PTPRN2: variants seen among roughly 807,000 people sequenced by gnomAD.
The protein encoded by PTPRN2 is receptor-type tyrosine-protein phosphatase N2.
PTPRN2 carries 74 observed loss-of-function variants against 118.8 expected under a neutral mutation model. The observed-to-expected ratio is 0.62, with a 90% CI of 0.52 to 0.76. The LOEUF (loss-of-function observed/expected upper bound fraction) is 0.76. Ranked by LOEUF, PTPRN2 falls within the 30% of genes least tolerant of loss-of-function variation. PTPRN2 has a pLI of 0.00. For synonymous variants in PTPRN2, 641 were observed against 608.0 expected, an observed-to-expected ratio of 1.05 and a Z score of -0.80; for missense variants, 1,481 against 1,394.4, an observed-to-expected ratio of 1.06 and a Z score of -0.99.
chr7:158,431,492 T>TACA, intron 2 of PTPRN2, among the ~76,000 whole-genome samples: 1 of 24,298 alleles, frequency 4.1e-5, no homozygotes, highest in Non-Finnish European at 8.5e-5. Flanking sequence ...CACACTGGCT[T>TACA]GCACTGGGCT....
At chr7:158,275,220 G>A (rs952848973) in intron 3 of PTPRN2, among the ~76,000 whole-genome samples, 10 of 152,240 alleles carry the variant, frequency 6.6e-5, no homozygotes, top group African/African-American at 1.7e-4. Flanking sequence ...ACAGCGCCTC[G>A]GGGCCACAGA....
chr7:157,913,490 G>A (rs1386028475), intron 11 of PTPRN2, among the ~76,000 whole-genome samples: 1 of 152,188 alleles, frequency 6.6e-6, no homozygotes, highest in Non-Finnish European at 1.5e-5. Flanking sequence ...TGGTGTTCAA[G>A]AGAATATTTC....
chr7:158,057,406 G>A (rs915598048), intron 11 of PTPRN2, among the ~76,000 whole-genome samples: 1 of 152,186 alleles, frequency 6.6e-6, no homozygotes, highest in Admixed American at 6.5e-5. Context: ...GCCCAATGAT[G>A]ATGGTCTCTT....
At chr7:157,648,515 A>C (rs1805306019) in intron 14 of PTPRN2, among the ~76,000 whole-genome samples, 1 of 135,088 alleles carries the variant, frequency 7.4e-6, no homozygotes, top group African/African-American at 2.7e-5. Flanking sequence ...TCCAGCGTGC[A>C]CTGAACTCGG....
intron 5 of PTPRN2, among the ~76,000 whole-genome samples, chr7:158,170,541 G>A (rs1432024907): frequency 6.6e-6 from 1 of 152,196 alleles, no homozygotes; most frequent in African/African-American, 2.4e-5. Context: ...TTAAGGTGAA[G>A]AGGAAAAAGA....
At chr7:157,770,456 T>C (rs73165837) in intron 12 of PTPRN2, among the ~76,000 whole-genome samples, 17,661 of 152,270 alleles carry the variant, frequency 0.12, 1,116 homozygotes, top group Middle Eastern at 0.16. Flanking sequence ...GGCTTTCTGC[T>C]GTTGTCAGGC....
intron 2 of PTPRN2, among the ~76,000 whole-genome samples, chr7:158,423,200 A>T (rs1332124729): frequency 6.6e-6 from 1 of 152,270 alleles, no homozygotes; most frequent in Non-Finnish European, 1.5e-5. Context: ...CTGGGAAACA[A>T]GCAAGAAACC....
rs544461442 is a variant in PTPRN2 at position 157,736,779 on chromosome 7, G to A, written c.1789-53842C>T. ...TGTCTCCTGCTCTTTCGTGGACGGC[G>A]CTCACCTACATCTTACATGCAGGTC... is the stretch of plus-strand genomic sequence containing the variant. On this transcript the variant is annotated intron_variant, in intron 12 of 22. Coordinates refer to ENST00000389418, the MANE Select transcript of PTPRN2 (RefSeq NM_002847.5). Among the ~76,000 whole-genome samples, 60 of 152,230 alleles carry A rather than the reference G, an allele frequency of 3.9e-4. No homozygotes were observed. The South Asian group carries it at 0.01, about 26-fold the overall frequency.
chr7:157,561,755 T>G (rs1250135876), intron 21 of PTPRN2, among the ~76,000 whole-genome samples: 4 of 152,110 alleles, frequency 2.6e-5, no homozygotes, highest in African/African-American at 7.2e-5. Context: ...CATCTGGGAG[T>G]GTCCTTGTCT....
At chr7:158,337,395 CCTGCAG>C (rs1805846492) in intron 2 of PTPRN2, among the ~76,000 whole-genome samples, 2 of 143,760 alleles carry the variant, frequency 1.4e-5, no homozygotes, top group Admixed American at 6.9e-5. Flanking sequence ...AGAGGTAACA[CCTGCAG>C]ACGTCCCTCA....
chr7:158,399,699 G>T (rs895595833), intron 2 of PTPRN2, among the ~76,000 whole-genome samples: 1 of 152,080 alleles, frequency 6.6e-6, no homozygotes, highest in Non-Finnish European at 1.5e-5. Context: ...ACAAGGGAAT[G>T]GAAGGGGAGG....
intron 14 of PTPRN2, among the ~76,000 whole-genome samples, chr7:157,652,177 G>GC (rs1482286713): frequency 6.6e-6 from 1 of 152,244 alleles, no homozygotes; most frequent in Admixed American, 6.5e-5. Flanking sequence ...CAGGGATCAG[G>GC]CAGAGTGTAG....
In PTPRN2 at chr7:158,279,349, T is replaced by C. The variant is rs538254131; in HGVS notation, c.277+37470A>G. Among the ~76,000 whole-genome samples the C allele has an allele frequency of 3.3e-5, 5 of 152,220 alleles. No individual in the cohort carries two copies. In the South Asian group the frequency reaches 1.0e-3, roughly 32 times the overall value. ...ACTGATGGGTGCATTTACAATCCTT[T>C]AGCTAGACAGAAAACTTCTCCAAGT... On this transcript the variant is annotated intron_variant, in intron 3 of 22. Transcript: ENST00000389418.
chr7:158,327,998 C>T (rs1803794064), intron 2 of PTPRN2, among the ~76,000 whole-genome samples: 1 of 152,194 alleles, frequency 6.6e-6, no homozygotes, highest in Non-Finnish European at 1.5e-5. Context: ...GTAATTACAG[C>T]TCAGAATCAC....
intron 3 of PTPRN2, among the ~76,000 whole-genome samples, chr7:158,266,075 G>T (rs78627445): frequency 0.27 from 33,891 of 127,402 alleles, 1,260 homozygotes; most frequent in African/African-American, 0.33. Context: ...TCTGCTGCGG[G>T]GTATTGTCTG....
intron 11 of PTPRN2, among the ~76,000 whole-genome samples, chr7:158,024,405 G>A (rs980932095): frequency 6.6e-6 from 1 of 152,126 alleles, no homozygotes; most frequent in Non-Finnish European, 1.5e-5. Context: ...GCAGCCCTCC[G>A]TAACTTCAAG....
intron 12 of PTPRN2, among the ~76,000 whole-genome samples, chr7:157,685,069 C>T (rs920403282): frequency 1.3e-5 from 2 of 151,940 alleles, no homozygotes; most frequent in African/African-American, 4.8e-5. Flanking sequence ...GCCTGCGCCC[C>T]TCGCCGCCCC....
intron 3 of PTPRN2, among the ~76,000 whole-genome samples, chr7:158,262,345 TCA>T (rs767643390): frequency 8.7e-4 from 94 of 108,170 alleles, no homozygotes; most frequent in African/African-American, 2.3e-3. Flanking sequence ...GCACACATAT[TCA>T]CACACACTGC....
chr7:157,898,210 A>G (rs1797245532), intron 12 of PTPRN2, among the ~76,000 whole-genome samples: 1 of 152,242 alleles, frequency 6.6e-6, no homozygotes, highest in Non-Finnish European at 1.5e-5. Flanking sequence ...ATAGATTTTC[A>G]GTGATATTAT....
Sources: allele counts gnomAD v4.1 joint callset (sites outside exome capture counted in the v4.1 genomes callset), GRCh38; gene constraint gnomAD v4.1.1; transcripts MANE v1.5; gene names NCBI Gene and HGNC (gene_info 2026-07-23, HGNC 2026-07-21).